The following PTPRD variants were observed in gnomAD, a reference collection of about 807,000 sequenced individuals.
The protein encoded by PTPRD is protein tyrosine phosphatase receptor type D.
Under a neutral mutation model 214.5 loss-of-function variants are expected in PTPRD, and 34 were observed. The ratio of observed to expected loss-of-function variants is 0.16; its 90% confidence interval spans 0.12 to 0.21. The LOEUF is 0.21. Among genes scored for constraint, PTPRD ranks in the 10% least tolerant of loss-of-function variants. The pLI is 1.00. For missense variants in PTPRD, 2,545 were observed against 2,398.7 expected (o/e 1.06, Z -1.27); for synonymous variants, 1,128 against 845.7 (o/e 1.33, Z -5.79).
At chr9:9,960,740 C>A (rs1047490582) in intron 4 of PTPRD, among the ~76,000 whole-genome samples, 3 of 152,002 alleles carry the variant, frequency 2.0e-5, no homozygotes, top group African/African-American at 7.2e-5. Context: ...ACTGTCACAA[C>A]CAAGAGGACC....
intron 5 of PTPRD, among the ~76,000 whole-genome samples, chr9:9,838,603 T>A (rs1300617163): frequency 1.3e-5 from 2 of 152,218 alleles, no homozygotes; most frequent in African/African-American, 2.4e-5. Context: ...TTCACCCACT[T>A]TTTAATTGGG....
chr9:9,009,618 T>C (rs2099499538), intron 11 of PTPRD, among the ~76,000 whole-genome samples: 2 of 151,712 alleles, frequency 1.3e-5, no homozygotes, highest in South Asian at 4.1e-4. Context: ...TGCTTAGAAA[T>C]AAGAAACAAG....
At chr9:10,135,294 G>C (rs1161447294) in intron 3 of PTPRD, among the ~76,000 whole-genome samples, 1 of 152,030 alleles carries the variant, frequency 6.6e-6, no homozygotes, top group African/African-American at 2.4e-5. Context: ...AAGCAACTTG[G>C]AAACAGTATT....
chr9:8,882,549 C>T (rs2098455155), intron 11 of PTPRD, among the ~76,000 whole-genome samples: 2 of 152,060 alleles, frequency 1.3e-5, no homozygotes, highest in South Asian at 2.1e-4. Flanking sequence ...CATCTTTCTC[C>T]TCCTATGGCC....
intron 14 of PTPRD, among the ~76,000 whole-genome samples, chr9:8,604,871 C>T (rs948451517): frequency 6.6e-6 from 1 of 152,126 alleles, no homozygotes; most frequent in African/African-American, 2.4e-5. Context: ...CATCCCTTAA[C>T]ATGTATAGCC....
At chr9:8,378,548 A>G (rs1024200250) in intron 37 of PTPRD, among the ~76,000 whole-genome samples, 2 of 152,236 alleles carry the variant, frequency 1.3e-5, no homozygotes, top group East Asian at 1.9e-4. Context: ...AATATTCAAG[A>G]AGATGCCAAC....
At chr9:8,660,847 C>T (rs2097028703) in intron 12 of PTPRD, among the ~76,000 whole-genome samples, 1 of 152,106 alleles carries the variant, frequency 6.6e-6, no homozygotes. Context: ...GGACCTTCCA[C>T]AACCTGACAG....
chr9:10,240,968 A>G (rs993594198), intron 3 of PTPRD, among the ~76,000 whole-genome samples: 2 of 151,756 alleles, frequency 1.3e-5, no homozygotes, highest in African/African-American at 4.8e-5. Flanking sequence ...CACATACAAC[A>G]AAGGCCTCAT....
At chr9:9,191,326 G>C (rs1460143101) in intron 9 of PTPRD, among the ~76,000 whole-genome samples, 1 of 152,036 alleles carries the variant, frequency 6.6e-6, no homozygotes, top group African/African-American at 2.4e-5. Flanking sequence ...CTTACCAAAA[G>C]CCATGTTGCT....
intron 11 of PTPRD, among the ~76,000 whole-genome samples, chr9:8,938,889 T>C (rs1404327650): frequency 6.6e-6 from 1 of 152,188 alleles, no homozygotes; most frequent in Admixed American, 6.6e-5. Flanking sequence ...CTTCCCTTCA[T>C]TGCCATGTAA....
chr9:8,636,745 A>AT lies in PTPRD; in HGVS notation c.163dup (p.Ile55AsnfsTer16). ...TTTCTTTCCTTTTTTGTTCCAGACA[A>AT]TTTTAGGTCTTGGGTCTCCCGTAGC... On this transcript the variant is annotated frameshift_variant, in exon 13 of 46. Coordinates refer to ENST00000381196, the MANE Select transcript of PTPRD (RefSeq NM_002839.4). LOFTEE classifies it high-confidence loss of function. The AT allele has an allele frequency of 6.2e-7, 1 of 1,614,006 alleles. No individual in the cohort carries two copies.
intron 8 of PTPRD, among the ~76,000 whole-genome samples, chr9:9,500,622 A>T (rs570617148): frequency 6.6e-6 from 1 of 152,256 alleles, no homozygotes; most frequent in Admixed American, 6.5e-5. Flanking sequence ...CTTGTACTAA[A>T]GAAATATTAA....
At chr9:9,047,905 T>G (rs2099676149) in intron 10 of PTPRD, among the ~76,000 whole-genome samples, 2 of 152,002 alleles carry the variant, frequency 1.3e-5, no homozygotes, top group Admixed American at 1.3e-4. Flanking sequence ...TAAAAACCAT[T>G]CTCAAAGCAA....
At chr9:9,900,885 T>A (rs1056238451) in intron 5 of PTPRD, among the ~76,000 whole-genome samples, 1 of 152,154 alleles carries the variant, frequency 6.6e-6, no homozygotes, top group African/African-American at 2.4e-5. Flanking sequence ...TCCGCCCACA[T>A]TGACCTCCCA....
chr9:10,152,138 A>AT (rs1429627989), intron 3 of PTPRD, among the ~76,000 whole-genome samples: 5 of 152,248 alleles, frequency 3.3e-5, no homozygotes, highest in South Asian at 2.1e-4. Flanking sequence ...GGACTATACT[A>AT]TTTTTTGCAT....
chr9:8,722,474 G>T (rs2098511209), intron 12 of PTPRD, among the ~76,000 whole-genome samples: 1 of 147,556 alleles, frequency 6.8e-6, no homozygotes. Context: ...ATCCAAATAT[G>T]TTAAATCATA....
chr9:8,937,800 CAGAG>C (rs2099007479), intron 11 of PTPRD, among the ~76,000 whole-genome samples: 1 of 152,268 alleles, frequency 6.6e-6, no homozygotes, highest in Admixed American at 6.5e-5. Flanking sequence ...TTAGAACACT[CAGAG>C]AGGAGAATTA....
chr9:8,917,309 T>G (rs2098793968), intron 11 of PTPRD, among the ~76,000 whole-genome samples: 2 of 126,022 alleles, frequency 1.6e-5, no homozygotes, highest in African/African-American at 6.4e-5. Flanking sequence ...TTTTTTTTTT[T>G]GTATTTTTAG....
At chr9:9,566,439 T>C (rs2084558451) in intron 8 of PTPRD, among the ~76,000 whole-genome samples, 1 of 152,026 alleles carries the variant, frequency 6.6e-6, no homozygotes, top group African/African-American at 2.4e-5. Context: ...TTTCTCTCTG[T>C]ACGTGCTTTT....
Sources: gnomAD v4.1 joint callset for allele counts (sites outside exome capture counted in the v4.1 genomes callset) on GRCh38, gnomAD v4.1.1 for gene constraint, MANE v1.5 for transcripts, NCBI Gene and HGNC (gene_info 2026-07-23, HGNC 2026-07-21) for gene names.